Variants in BRINP3 observed in about 807,000 individuals in gnomAD.
The protein encoded by BRINP3 is BMP/retinoic acid-inducible neural-specific protein 3.
A neutral mutation model predicts 71.0 loss-of-function variants in BRINP3; 19 were observed. That is an observed-to-expected ratio of 0.27 (90% CI 0.19 to 0.39). BRINP3 has a LOEUF of 0.39. Ranked by LOEUF, BRINP3 falls within the 10% of genes least tolerant of loss-of-function variation. BRINP3 has a pLI of 1.00. For missense variants in BRINP3, 959 were observed against 940.8 expected, an observed-to-expected ratio of 1.02 and a Z score of -0.25; for synonymous variants, 380 against 337.7, an observed-to-expected ratio of 1.13 and a Z score of -1.37.
rs1429897188 is a variant in BRINP3 at position 190,212,485 on chromosome 1, A to G, written c.961+13597T>C. On this transcript the variant is annotated intron_variant, in intron 6 of 7. Coordinates refer to ENST00000367462, the MANE Select transcript of BRINP3 (RefSeq NM_199051.3). ...GAAGACTGGAAAACATGAGATAGCAAGAGAAAAATTTATATATCCTCATCT... is the reference window on the plus strand; with the variant it reads ...GAAGACTGGAAAACATGAGATAGCAGGAGAAAAATTTATATATCCTCATCT... 2.0e-5 allele frequency among the ~76,000 whole-genome samples: 3 copies of G among 152,126 alleles called. 1 individual carries two copies. Among genetic ancestry groups the G allele is most frequent in the Admixed American group, 6.6e-5 (1 of 15,244 alleles).
intron 6 of BRINP3, among the ~76,000 whole-genome samples, chr1:190,183,322 A>T (rs556128087): frequency 1.3e-5 from 2 of 152,114 alleles, no homozygotes; most frequent in South Asian, 4.2e-4. Flanking sequence ...TTAAATTTTA[A>T]GTTTAAAAAA....
chr1:190,282,388 T>C (rs1444039864), intron 2 of BRINP3, among the ~76,000 whole-genome samples: 6 of 151,950 alleles, frequency 3.9e-5, no homozygotes, highest in Non-Finnish European at 5.9e-5. Context: ...AAAAGATTTA[T>C]ACATTTTTTA....
intron 2 of BRINP3, among the ~76,000 whole-genome samples, chr1:190,356,822 G>A (rs1029941801): frequency 1.2e-4 from 18 of 151,940 alleles, no homozygotes; most frequent in Non-Finnish European, 2.4e-4. Context: ...AGTAATCCAG[G>A]TCTCCCATTT....
At chr1:190,230,865 T>C (rs1275318024) in intron 5 of BRINP3, among the ~76,000 whole-genome samples, 9 of 151,532 alleles carry the variant, frequency 5.9e-5, no homozygotes, top group African/African-American at 2.2e-4. Context: ...TCAAATATAA[T>C]ATATTTGATT....
Position 190,098,751 on chromosome 1 carries a change from C to T in BRINP3, c.1568G>A (p.Ser523Asn). The T allele has an allele frequency of 6.2e-7, 1 of 1,614,194 alleles. No individual in the cohort carries two copies. Among genetic ancestry groups the T allele is most frequent in the Non-Finnish European group, 8.5e-7 (1 of 1,180,040 alleles). ...CTTACGCCAGGAGGGATCAAACCAG[C>T]TATTGAGGCGCATGTCATTGCTGAT... is the stretch of plus-strand genomic sequence containing the variant. ...IFISNDMRLN[S>N]WFDPSWRKRM... The change falls in exon 8 of 8, where the codon AGC (serine) becomes AAC (asparagine). Residue 523 changes from serine to asparagine, a missense_variant. Physicochemically the swap from Ser to Asn is conservative, Grantham distance 46. Transcript: ENST00000367462.
At chr1:190,145,450 T>C (rs1309897114) in intron 7 of BRINP3, among the ~76,000 whole-genome samples, 1 of 152,220 alleles carries the variant, frequency 6.6e-6, no homozygotes, top group Non-Finnish European at 1.5e-5. Flanking sequence ...TTTGAACTGC[T>C]TTCTTTAGAG....
intron 5 of BRINP3, among the ~76,000 whole-genome samples, chr1:190,227,543 G>C (rs1438152831): frequency 6.6e-6 from 1 of 151,602 alleles, no homozygotes; most frequent in Non-Finnish European, 1.5e-5. Context: ...AAAAATAAAA[G>C]ATGCAACTAT....
intron 7 of BRINP3, among the ~76,000 whole-genome samples, chr1:190,151,634 T>C (rs1656403839): frequency 6.6e-6 from 1 of 152,164 alleles, no homozygotes; most frequent in Non-Finnish European, 1.5e-5. Flanking sequence ...AGTAAATGAA[T>C]CAGCATTTTA....
At position 190,276,554 on chromosome 1, in the gene BRINP3, G is replaced by GAC. The variant is rs150589288; in HGVS notation, c.427+5004_427+5005dup. Among the ~76,000 whole-genome samples, 1,209 of 145,828 alleles carry GAC rather than the reference G, an allele frequency of 8.3e-3. 12 individuals carry two copies. Among genetic ancestry groups the GAC allele is most frequent in the African/African-American group, 0.022 (894 of 40,114 alleles). ...CTTCTGACTTACACTTTCTTTAAAA[G>GAC]ACACACACACACACACACACACAAT... On this transcript the variant is annotated intron_variant, in intron 3 of 7. Transcript: ENST00000367462.
intron 3 of BRINP3, among the ~76,000 whole-genome samples, chr1:190,266,724 TAA>T (rs1202933873): frequency 1.3e-5 from 2 of 152,132 alleles, no homozygotes; most frequent in Non-Finnish European, 2.9e-5. Context: ...ATCCACGTGA[TAA>T]GTCGTGAGAG....
chr1:190,437,448 C>T (rs1188656201), intron 2 of BRINP3, among the ~76,000 whole-genome samples: 1 of 151,780 alleles, frequency 6.6e-6, no homozygotes, highest in Admixed American at 6.6e-5. Context: ...TAATCCTAAA[C>T]TATCATATCC....
intron 2 of BRINP3, among the ~76,000 whole-genome samples, chr1:190,381,572 T>C: frequency 6.6e-6 from 1 of 152,192 alleles, no homozygotes; most frequent in South Asian, 2.1e-4. Context: ...TTTTAATTGG[T>C]CATCTCAATG....
chr1:190,318,019 A>G (rs1666001519), intron 2 of BRINP3, among the ~76,000 whole-genome samples: 1 of 152,146 alleles, frequency 6.6e-6, no homozygotes, highest in Non-Finnish European at 1.5e-5. Context: ...TATTTGAATG[A>G]ATAAATAAAA....
intron 4 of BRINP3, among the ~76,000 whole-genome samples, chr1:190,247,896 C>T (rs530346896): frequency 2.0e-5 from 3 of 151,942 alleles, no homozygotes; most frequent in South Asian, 2.1e-4. Context: ...GGTCACAGAC[C>T]GTTGGGGTCT....
At chr1:190,166,701 T>C in intron 6 of BRINP3, among the ~76,000 whole-genome samples, 1 of 152,150 alleles carries the variant, frequency 6.6e-6, no homozygotes, top group East Asian at 2.0e-4. Flanking sequence ...CAGTTAGCAG[T>C]GTTGACCTCA....
chr1:190,257,925 G>T (rs962494420), intron 4 of BRINP3, among the ~76,000 whole-genome samples: 5 of 152,142 alleles, frequency 3.3e-5, no homozygotes, highest in African/African-American at 1.2e-4. Context: ...TCTCAGTTAG[G>T]CTACATGGGG....
intron 2 of BRINP3, among the ~76,000 whole-genome samples, chr1:190,422,439 A>G (rs1673446700): frequency 6.6e-6 from 1 of 151,872 alleles, no homozygotes; most frequent in South Asian, 2.1e-4. Context: ...GATTATTTAA[A>G]CTTTCAGAAA....
In BRINP3 at chr1:190,106,327, A is replaced by G. The variant is rs183949121; in HGVS notation, c.1185-7193T>C. On this transcript the variant is annotated intron_variant, in intron 7 of 7. Coordinates refer to ENST00000367462, the MANE Select transcript of BRINP3 (RefSeq NM_199051.3). ...ATGTTTATTTCATAATTTTATTATC[A>G]TAAAGTACCTAAGTCAGTTTACAGT... is the stretch of plus-strand genomic sequence containing the variant. 6.7e-4 allele frequency among the ~76,000 whole-genome samples: 102 copies of G among 151,882 alleles called. 1 individual carries two copies. Among genetic ancestry groups the G allele is most frequent in the Admixed American group, 1.6e-3 (24 of 15,242 alleles).
At chr1:190,372,304 G>A (rs1311073294) in intron 2 of BRINP3, among the ~76,000 whole-genome samples, 1 of 152,168 alleles carries the variant, frequency 6.6e-6, no homozygotes, top group Non-Finnish European at 1.5e-5. Context: ...ATACCTCACT[G>A]ATACAGATGC....
Sources: gnomAD v4.1 joint callset for allele counts (sites outside exome capture counted in the v4.1 genomes callset) on GRCh38, gnomAD v4.1.1 for gene constraint, MANE v1.5 for transcripts, NCBI Gene and HGNC (gene_info 2026-07-23, HGNC 2026-07-21) for gene names.